The following SRSF5 variants were observed in gnomAD, a reference collection of about 807,000 sequenced individuals.
SRSF5 encodes serine and arginine rich splicing factor 5.
A neutral mutation model predicts 34.0 loss-of-function variants in SRSF5; 5 were observed. The ratio of observed to expected loss-of-function variants is 0.15; its 90% CI spans 0.08 to 0.31. The LOEUF is 0.31. Among genes scored for constraint, SRSF5 ranks in the 10% least tolerant of loss-of-function variants. The pLI is 1.00. For missense variants in SRSF5, 223 were observed against 351.4 expected (o/e 0.63, Z 2.92); for synonymous variants, 164 against 117.7 (o/e 1.39, Z -2.55).
Position 69,771,610 on chromosome 14 carries a change from G to T in SRSF5, c.*149G>T. The T allele has an allele frequency of 3.4e-6, 3 of 892,896 alleles. No individual in the cohort carries two copies. The highest frequency in any genetic ancestry group is 5.0e-6 in the Non-Finnish European group (3 of 599,474). The allele number at this position is 892,896 out of a possible 1,614,324, so 55.3% of individuals were successfully genotyped here. A position where few individuals can be genotyped will look rare whatever the true frequency, so the allele number is the denominator to read the frequency against. ...GGGTTGGGTTGGGCTGGATATCTTT[G>T]TAGATGTGGACCACCAAGGGGTTGT... On this transcript the variant is annotated 3_prime_UTR_variant, in exon 8 of 8. Coordinates refer to ENST00000557154, the MANE Select transcript of SRSF5 (RefSeq NM_001320214.2).
intron 5 of SRSF5, chr14:69,769,608 C>G: frequency 6.5e-7 from 1 of 1,535,100 alleles, no homozygotes. Flanking sequence ...CTTTGCCAGT[C>G]AGCTCCTACA....
intron 5 of SRSF5, chr14:69,769,868 T>A: frequency 8.2e-7 from 1 of 1,223,170 alleles, no homozygotes; most frequent in Admixed American, 4.0e-5. Flanking sequence ...GAGTAGAACA[T>A]GTCTGCATCC....
intron 5 of SRSF5, chr14:69,769,710 C>A: frequency 6.9e-7 from 1 of 1,442,674 alleles, no homozygotes; most frequent in Non-Finnish European, 9.1e-7. Flanking sequence ...GATCCCAGAG[C>A]GTTGATAACG....
Position 69,771,762 on chromosome 14 carries a change from T to G in SRSF5, c.*301T>G, listed in dbSNP as rs973677579. The G allele has an allele frequency of 3.8e-6, 1 of 259,924 alleles. No individual in the cohort carries two copies. The highest frequency in any genetic ancestry group is 2.2e-5 in the African/African-American group (1 of 44,606). 16.1% of individuals were successfully genotyped at this position (259,924 alleles called of 1,614,324 possible). A position where few individuals can be genotyped will look rare whatever the true frequency, so the allele number is the denominator to read the frequency against. The stretch of plus-strand genomic sequence containing the variant: ...AACTAAAGCAAATTTAATTTTTTTG[T>G]ACTAGAAAAAAATTTGAACATTTTA... On this transcript the variant is annotated 3_prime_UTR_variant, in exon 8 of 8. Coordinates refer to ENST00000557154, the MANE Select transcript of SRSF5 (RefSeq NM_001320214.2).
Position 69,769,173 on chromosome 14 carries a change from C to T in SRSF5, c.297-9C>T. The T allele has an allele frequency of 6.2e-7, 1 of 1,614,138 alleles. No homozygotes were observed. Among genetic ancestry groups the T allele is most frequent in the Non-Finnish European group, 8.5e-7 (1 of 1,180,000 alleles). On this transcript the variant is annotated splice_polypyrimidine_tract_variant and intron_variant, in intron 4 of 7. Transcript: ENST00000557154. ...TTCTTCCATTGTGAATACGAATTTTCTTCCTCAGAAATGCTCCACCTGTAA... is the reference window on the plus strand; with the variant it reads ...TTCTTCCATTGTGAATACGAATTTTTTTCCTCAGAAATGCTCCACCTGTAA...
Position 69,770,456 on chromosome 14 carries a change from CTT to C in SRSF5, c.367-10_367-9del, listed in dbSNP as rs765790779. ...CCTCTTCTTTGCTTAACACAATTAT[CTT>C]GTGTTAAGGATCTCAAAGATTTCAT... On this transcript the variant is annotated splice_polypyrimidine_tract_variant and intron_variant, in intron 5 of 7. Transcript: ENST00000557154. 1 of 1,612,170 alleles carries C rather than the reference CTT, an allele frequency of 6.2e-7. No individual in the cohort carries two copies. Among genetic ancestry groups the C allele is most frequent in the African/African-American group, 1.3e-5 (1 of 74,774 alleles).
chr14:69,768,017 G>A (rs1234691844), intron 1 of SRSF5, 121 bp from the exon 2 acceptor site: 2 of 1,140,798 alleles, frequency 1.8e-6, no homozygotes, highest in African/African-American at 1.6e-5. Flanking sequence ...GGCTCTGTTG[G>A]CAATCTCGTT....
rs1176111850 is a variant in SRSF5, at chr14:69,770,817, T to C, written c.441-178T>C. 1.5e-5 allele frequency: 10 copies of C among 680,884 alleles called. No homozygotes were observed. In the East Asian group the frequency reaches 2.7e-4, roughly 19 times the overall value. 42.2% of individuals were successfully genotyped at this position (680,884 alleles called of 1,614,324 possible). On this transcript the variant is annotated intron_variant, in intron 6 of 7. Coordinates refer to ENST00000557154, the MANE Select transcript of SRSF5 (RefSeq NM_001320214.2). Reference sequence around the variant, plus strand: ...CATAGGGAACCCCCTCAACAATGAATTGGCTCAAAGTATAACAGTGCCAAA... The same window carrying C: ...CATAGGGAACCCCCTCAACAATGAACTGGCTCAAAGTATAACAGTGCCAAA...
chr14:69,769,305 A>G, intron 5 of SRSF5, 54 bp downstream of exon 5: 1 of 1,607,136 alleles, frequency 6.2e-7, no homozygotes, highest in Non-Finnish European at 8.5e-7. Context: ...AAAAAAGTTA[A>G]TGGGTAGCTA....
At chr14:69,769,635 C>CTCTA in intron 5 of SRSF5, 1 of 1,533,578 alleles carries the variant, frequency 6.5e-7, no homozygotes, top group South Asian at 1.2e-5. Context: ...AGTTGGCCAC[C>CTCTA]TCTAGATCTG....
At position 69,768,180 on chromosome 14, in the gene SRSF5, C is replaced by T. The variant is rs1417662505; in HGVS notation, c.24C>T (p.Ile8=). The T allele has an allele frequency of 3.7e-6, 6 of 1,613,956 alleles. No individual in the cohort carries two copies. The highest frequency in any genetic ancestry group is 4.5e-5 in the East Asian group (2 of 44,898). The change falls in exon 2 of 8, where the codon ATC becomes ATT. Residue 8 remains isoleucine, a synonymous_variant. Coordinates refer to ENST00000557154, the MANE Select transcript of SRSF5 (RefSeq NM_001320214.2). MSGCRVF[I]GRLNPAAREK... is the part of the protein sequence containing the mutation. ...TCATGAGTGGCTGTCGGGTATTCAT[C>T]GGGAGACTAAATCCAGCGGCCAGGG...
intron 4 of SRSF5, 54 bp from the exon 5 acceptor site, chr14:69,769,128 C>T: frequency 1.9e-6 from 3 of 1,600,570 alleles, no homozygotes; most frequent in South Asian, 1.1e-5. Context: ...CACAGTTGAA[C>T]ACAAGTGCTG....
At chr14:69,769,093 T>TGATA in intron 4 of SRSF5, 89 bp from the exon 5 acceptor site, 1 of 1,474,058 alleles carries the variant, frequency 6.8e-7, no homozygotes, top group Non-Finnish European at 9.5e-7. Flanking sequence ...GAATGGCTTG[T>TGATA]GATATCTGAT....
intron 1 of SRSF5, 63 bp from the exon 2 acceptor site, chr14:69,768,075 T>G (rs1243177964): frequency 1.6e-5 from 25 of 1,570,860 alleles, no homozygotes; most frequent in Non-Finnish European, 2.2e-5. Context: ...TTTTTGATTG[T>G]TTAATCAGGC....
intron 4 of SRSF5, 67 bp downstream of exon 4, chr14:69,768,963 A>T: frequency 6.6e-7 from 1 of 1,515,814 alleles, no homozygotes; most frequent in Non-Finnish European, 9.2e-7. Context: ...TTCAGGAGTC[A>T]TTAGCAGTGA....
intron 5 of SRSF5, chr14:69,770,177 TTTTG>T (rs567329925): frequency 8.3e-4 from 914 of 1,105,020 alleles, no homozygotes; most frequent in Middle Eastern, 2.0e-3. Context: ...TTTGTTGTTT[TTTTG>T]TTTGTTTTTT....
chr14:69,770,257 G>A (rs1162454795), intron 5 of SRSF5: 16 of 1,329,406 alleles, frequency 1.2e-5, no homozygotes, highest in Non-Finnish European at 1.9e-6. Flanking sequence ...ATTTCTTTTA[G>A]CATTTTGCTT....
chr14:69,770,360 C>CT (rs1477110882), intron 5 of SRSF5, 107 bp from the exon 6 acceptor site: 7 of 1,490,206 alleles, frequency 4.7e-6, no homozygotes, highest in Non-Finnish European at 6.2e-6. Context: ...CATGTTTGTA[C>CT]TTTATCTAAC....
intron 1 of SRSF5, 97 bp from the exon 2 acceptor site, chr14:69,768,024 CGTTCATAACATCACTGT>C: frequency 8.2e-7 from 1 of 1,218,102 alleles, no homozygotes. Flanking sequence ...TTGGCAATCT[CGTTCATAACATCACTGT>C]GTAAACATTT....
Sources: allele counts gnomAD v4.1 joint callset, GRCh38; gene constraint gnomAD v4.1.1; transcripts MANE v1.5; gene names NCBI Gene and HGNC (gene_info 2026-07-23, HGNC 2026-07-21).